ZDHHC13: variants seen among roughly 807,000 people sequenced by gnomAD.
ZDHHC13 encodes palmitoyltransferase ZDHHC13.
In ZDHHC13, 85 loss-of-function variants were observed where a neutral mutation model predicts 86.0. The ratio of observed to expected loss-of-function variants is 0.99; its 90% CI spans 0.83 to 1.18. ZDHHC13 has a LOEUF of 1.18. Among genes scored for constraint, ZDHHC13 ranks in the 50% most tolerant of loss-of-function variants. The pLI is 0.00. For synonymous variants in ZDHHC13, 263 were observed against 246.4 expected (o/e 1.07, Z -0.63); for missense variants, 711 against 730.2 (o/e 0.97, Z 0.30).
At chr11:19,122,842 A>G (rs1416998295) in intron 1 of ZDHHC13, among the ~76,000 whole-genome samples, 1 of 152,256 alleles carries the variant, frequency 6.6e-6, no homozygotes, top group Non-Finnish European at 1.5e-5. Flanking sequence ...GGGTCACTGC[A>G]TATATGGCTT....
At position 19,117,597 on chromosome 11, in the gene ZDHHC13, T is replaced by TTCCCGGG; in HGVS notation, c.27+322_27+328dup. 1 of 321,782 alleles carries TTCCCGGG rather than the reference T, an allele frequency of 3.1e-6. No homozygotes were observed. Among genetic ancestry groups the TTCCCGGG allele is most frequent in the Non-Finnish European group, 5.7e-6 (1 of 176,164 alleles). 19.9% of individuals were successfully genotyped at this position (321,782 alleles called of 1,614,324 possible). A position where few individuals can be genotyped will look rare whatever the true frequency, so the allele number is the denominator to read the frequency against. ...GGGCCTGGGGAGGGGACGATGGCCCTTCCCGGGAGAGGTGTCAGGTGACAC... is the reference window on the plus strand; with the variant it reads ...GGGCCTGGGGAGGGGACGATGGCCCTTCCCGGGTCCCGGGAGAGGTGTCAGGTGACAC... On this transcript the variant is annotated intron_variant, in intron 1 of 16. Coordinates refer to ENST00000446113, the MANE Select transcript of ZDHHC13 (RefSeq NM_019028.3). The surrounding 1 kb of genome is among the most constrained non-coding windows in gnomAD (Gnocchi z 4.2).
At chr11:19,150,566 C>T (rs925955933) in intron 5 of ZDHHC13, among the ~76,000 whole-genome samples, 161 bp from the exon 6 acceptor site, 1 of 151,944 alleles carries the variant, frequency 6.6e-6, no homozygotes, top group African/African-American at 2.4e-5. Flanking sequence ...GATTTTTACC[C>T]TATGGAAGTG....
At chr11:19,144,973 G>A (rs117059666) in intron 2 of ZDHHC13, among the ~76,000 whole-genome samples, 3,418 of 152,168 alleles carry the variant, frequency 0.022, 99 homozygotes, top group East Asian at 0.13. Flanking sequence ...GCCTGGTGTC[G>A]TGGCACACGC....
chr11:19,173,768 A>G (rs1329329049), intron 16 of ZDHHC13, among the ~76,000 whole-genome samples: 2 of 152,206 alleles, frequency 1.3e-5, no homozygotes, highest in Non-Finnish European at 2.9e-5. Context: ...TGTTTACTCC[A>G]CTAAACTATG....
chr11:19,142,929 G>T, intron 1 of ZDHHC13, 49 bp from the exon 2 acceptor site: 1 of 1,523,434 alleles, frequency 6.6e-7, no homozygotes, highest in Non-Finnish European at 8.9e-7. Context: ...ATGTAATTGA[G>T]TGTGACATTA....
At chr11:19,166,211 G>C (rs966025918) in intron 13 of ZDHHC13, 91 bp from the exon 14 acceptor site, 2 of 1,002,920 alleles carry the variant, frequency 2.0e-6, no homozygotes, top group African/African-American at 3.3e-5. Context: ...CTTTGGTGAA[G>C]ACTTTTGACA....
intron 4 of ZDHHC13, 109 bp downstream of exon 4, chr11:19,147,782 C>CCG (rs1554963641): frequency 1.1e-5 from 8 of 728,606 alleles, no homozygotes; most frequent in East Asian, 6.3e-5. Context: ...TCCCCCCCCC[C>CCG]CTTTATTTAA....
intron 4 of ZDHHC13, 107 bp downstream of exon 4, chr11:19,147,780 C>A (rs78400712): frequency 2.5e-5 from 19 of 753,876 alleles, no homozygotes; most frequent in Non-Finnish European, 3.3e-5. Context: ...CTTCCCCCCC[C>A]CCCTTTATTT....
intron 1 of ZDHHC13, among the ~76,000 whole-genome samples, chr11:19,141,780 C>A (rs1379749843): frequency 6.7e-6 from 1 of 149,700 alleles, no homozygotes; most frequent in Non-Finnish European, 1.5e-5. Flanking sequence ...AATGACAAAT[C>A]TAAGATAATT....
intron 1 of ZDHHC13, among the ~76,000 whole-genome samples, chr11:19,131,515 C>G (rs1015763265): frequency 2.0e-5 from 3 of 152,138 alleles, no homozygotes; most frequent in Non-Finnish European, 4.4e-5. Flanking sequence ...CAGTCGTCTT[C>G]TCTCTGTGCT....
At chr11:19,132,510 T>G (rs543028198) in intron 1 of ZDHHC13, among the ~76,000 whole-genome samples, 1 of 152,354 alleles carries the variant, frequency 6.6e-6, no homozygotes, top group East Asian at 1.9e-4. Flanking sequence ...ATACATTACT[T>G]GTCCTAGTAC....
chr11:19,160,772 G>T (rs1176772750), intron 10 of ZDHHC13, among the ~76,000 whole-genome samples: 1 of 151,872 alleles, frequency 6.6e-6, no homozygotes, highest in African/African-American at 2.4e-5. Flanking sequence ...TTGGTCCTGG[G>T]CCCTGATCCT....
intron 12 of ZDHHC13, 132 bp downstream of exon 12, chr11:19,164,495 CTG>C (rs1353727891): frequency 8.6e-6 from 7 of 817,418 alleles, no homozygotes; most frequent in Non-Finnish European, 1.4e-5. Context: ...TTTTACATTC[CTG>C]TCTGAACAGC....
chr11:19,132,905 A>C (rs530341663), intron 1 of ZDHHC13, among the ~76,000 whole-genome samples: 1 of 152,254 alleles, frequency 6.6e-6, no homozygotes, highest in African/African-American at 2.4e-5. Context: ...GTGCAATCCT[A>C]CTTATCCCAT....
Position 19,175,848 on chromosome 11 carries a change from A to T in ZDHHC13, c.1757A>T (p.Asp586Val). The change falls in exon 17 of 17, where the codon GAT (aspartate) becomes GTT (valine). Residue 586 changes from aspartate to valine, a missense_variant. Coordinates refer to ENST00000446113, the MANE Select transcript of ZDHHC13 (RefSeq NM_019028.3). ...CTTGGATTCATGCAGAACCTGGCAGATTTCTTTCAGTGTGGCTGCTTTGGC... is the reference window on the plus strand; with the variant it reads ...CTTGGATTCATGCAGAACCTGGCAGTTTTCTTTCAGTGTGGCTGCTTTGGC... ...YNLGFMQNLA[D>V]FFQCGCFGLV... 2 of 1,613,168 alleles carry T rather than the reference A, an allele frequency of 1.2e-6. No individual in the cohort carries two copies. The highest frequency in any genetic ancestry group is 2.2e-5 in the East Asian group (1 of 44,860).
At chr11:19,159,142 A>C (rs965106922) in intron 10 of ZDHHC13, 102 bp downstream of exon 10, 4 of 724,898 alleles carry the variant, frequency 5.5e-6, no homozygotes, top group Non-Finnish European at 8.8e-6. Context: ...AGGGAATGCA[A>C]CTTATATTTG....
In ZDHHC13 at chr11:19,152,636, G is replaced by T. The variant is rs1266681757; in HGVS notation, c.825G>T (p.Met275Ile). 6.2e-7 allele frequency: 1 copy of T among 1,613,306 alleles called. No individual in the cohort carries two copies. Among genetic ancestry groups the T allele is most frequent in the Non-Finnish European group, 8.5e-7 (1 of 1,179,408 alleles). ...IIHMLKTEAK[M>I]RANQKFRLWR... ...ATATGCTAAAAACAGAAGCCAAAAT[G>T]AGAGCCAACCAAAAGTTCAGACTTT... Residue 275 changes from methionine (M) to isoleucine (I), a missense_variant, in exon 8 of 17, where the codon ATG becomes ATT. Transcript: ENST00000446113.
chr11:19,170,207 A>G (rs1850180777), intron 14 of ZDHHC13: 7 of 1,398,028 alleles, frequency 5.0e-6, no homozygotes, highest in East Asian at 2.8e-5. Context: ...CAGTGTTATC[A>G]TAGCCTCAAT....
intron 1 of ZDHHC13, among the ~76,000 whole-genome samples, chr11:19,136,085 C>G (rs377419145): frequency 1.3e-5 from 2 of 152,174 alleles, no homozygotes; most frequent in African/African-American, 4.8e-5. Flanking sequence ...ATGACTTTGA[C>G]GAGCTGAGAG....
Sources: gnomAD v4.1 joint callset for allele counts (sites outside exome capture counted in the v4.1 genomes callset) on GRCh38, gnomAD v4.1.1 for gene constraint, Gnocchi (gnomAD v3.1) non-coding constraint, MANE v1.5 for transcripts, NCBI Gene and HGNC (gene_info 2026-07-23, HGNC 2026-07-21) for gene names.